Variants in CDK2 observed in about 807,000 individuals in gnomAD.
CDK2 encodes cyclin-dependent kinase 2.
In CDK2, 8 loss-of-function variants were observed where a neutral mutation model predicts 35.0. The ratio of observed to expected loss-of-function variants is 0.23; its 90% CI spans 0.13 to 0.41. The LOEUF (loss-of-function observed/expected upper bound fraction) is 0.41, where lower values mean the gene tolerates loss of function less well. CDK2 is among the 10% of genes least tolerant of loss of function. CDK2 has a pLI of 1.00. For missense variants in CDK2, 201 were observed against 367.1 expected (o/e 0.55, Z 3.70); for synonymous variants, 134 against 137.7 (o/e 0.97, Z 0.19).
chr12:55,970,288 CAAAAAAAAAAAAAA>C (rs60371110), intron 5 of CDK2, among the ~76,000 whole-genome samples: 3 of 21,842 alleles, frequency 1.4e-4, no homozygotes, highest in Admixed American at 1.5e-3. Flanking sequence ...GATTCCATCT[CAAAAAAAAAAAAAA>C]AAAAAAAAAA....
intron 3 of CDK2, 67 bp downstream of exon 3, chr12:55,968,236 G>A (rs1395923005): frequency 1.3e-6 from 2 of 1,585,922 alleles, no homozygotes; most frequent in African/African-American, 2.7e-5. Context: ...GGCAATTCAG[G>A]GTGATATTTT....
chr12:55,968,646 G>A, intron 3 of CDK2, 132 bp from the exon 4 acceptor site: 1 of 672,018 alleles, frequency 1.5e-6, no homozygotes, highest in Non-Finnish European at 2.4e-6. Context: ...CAGTCCATTG[G>A]GAGAAATAGC....
intron 5 of CDK2, chr12:55,970,793 A>AC: frequency 1.4e-6 from 1 of 695,626 alleles, no homozygotes; most frequent in Non-Finnish European, 2.6e-6. Flanking sequence ...CCAGACATTC[A>AC]CCCCCTCCCA....
chr12:55,971,598 C>T lies in CDK2; in HGVS notation c.870C>T (p.Thr290=). 1 of 1,613,702 alleles carries T rather than the reference C, an allele frequency of 6.2e-7. No homozygotes were observed. Among genetic ancestry groups the T allele is most frequent in the Non-Finnish European group, 8.5e-7 (1 of 1,179,718 alleles). ...CTCACCCTTTCTTCCAGGATGTGAC[C>T]AAGCCAGTACCCCATCTTCGACTCT... The part of the protein sequence containing the change: ...ALAHPFFQDV[T]KPVPHLRL Residue 290 remains threonine (T), a synonymous_variant, in exon 7 of 7, where the codon ACC becomes ACT. Coordinates refer to ENST00000266970, the MANE Select transcript of CDK2 (RefSeq NM_001798.5).
intron 6 of CDK2, 21 bp downstream of exon 6, chr12:55,971,268 T>C (rs776932835): frequency 1.9e-6 from 3 of 1,607,736 alleles, no homozygotes; most frequent in Admixed American, 3.3e-5. Flanking sequence ...GCACCTGTTT[T>C]CCCTCATTCA....
intron 3 of CDK2, 50 bp from the exon 4 acceptor site, chr12:55,968,728 G>A (rs760670574): frequency 6.8e-7 from 1 of 1,473,282 alleles, no homozygotes; most frequent in Non-Finnish European, 9.1e-7. Context: ...AGCAAACCCA[G>A]TCTGCTCACT....
At chr12:55,969,954 A>G (rs1241428843) in intron 5 of CDK2, 1 of 157,496 alleles carries the variant, frequency 6.3e-6, no homozygotes, top group Non-Finnish European at 1.4e-5. Flanking sequence ...TAGTGAAGAC[A>G]ACTGTGGTCA....
In CDK2 at chr12:55,971,079, G is replaced by A; in HGVS notation, c.624G>A (p.Glu208=). The A allele has an allele frequency of 6.2e-7, 1 of 1,614,124 alleles. No homozygotes were observed. The highest frequency in any genetic ancestry group is 8.5e-7 in the Non-Finnish European group (1 of 1,180,014). Residue 208 remains glutamate, a synonymous_variant, in exon 6 of 7, where the codon GAG becomes GAA. Transcript: ENST00000266970. ...TRRALFPGDS[E]IDQLFRIFRT... ...GGGCCCTATTCCCTGGAGATTCTGA[G>A]ATTGACCAGCTCTTCCGGATCTTTC...
At position 55,966,945 on chromosome 12, in the gene CDK2, C is replaced by T; in HGVS notation, c.-64C>T. ...TCCTCGGCCCCCGAGAGCCAGGGTC[C>T]GCCTTCTGCAGGGTTCCCAGGCCCC... is the stretch of plus-strand genomic sequence containing the variant. On this transcript the variant is annotated 5_prime_UTR_variant, in exon 1 of 7. Transcript: ENST00000266970. 6 of 1,333,680 alleles carry T rather than the reference C, an allele frequency of 4.5e-6. No homozygotes were observed. Among genetic ancestry groups the T allele is most frequent in the Non-Finnish European group, 6.3e-6 (6 of 949,614 alleles). The allele number at this position is 1,333,680 out of a possible 1,614,324, so 82.6% of individuals were successfully genotyped here.
chr12:55,967,500 C>A, intron 1 of CDK2: 1 of 429,142 alleles, frequency 2.3e-6, no homozygotes, highest in South Asian at 2.8e-5. Flanking sequence ...CACTGCCCCA[C>A]CCTCACCTTA....
At chr12:55,969,450 G>C (rs779262417) in intron 4 of CDK2, 25 bp from the exon 5 acceptor site, 1 of 1,344,542 alleles carries the variant, frequency 7.4e-7, no homozygotes, top group Non-Finnish European at 1.1e-6. Context: ...AAACCACCCC[G>C]CCCCTCCCTA....
In CDK2 at chr12:55,968,037, T is replaced by G. The variant is rs1426933999; in HGVS notation, c.195-12T>G. 1.2e-6 allele frequency: 2 copies of G among 1,614,036 alleles called. No individual in the cohort carries two copies. Among genetic ancestry groups the G allele is most frequent in the East Asian group, 4.5e-5 (2 of 44,876 alleles). On this transcript the variant is annotated splice_polypyrimidine_tract_variant and intron_variant, in intron 2 of 6. Transcript: ENST00000266970. ...TCACACACCTCCATTTCCTCAAACTTTCCTTCTCTAGGCTGCTGGATGTCA... is the reference window on the plus strand; with the variant it reads ...TCACACACCTCCATTTCCTCAAACTGTCCTTCTCTAGGCTGCTGGATGTCA...
intron 6 of CDK2, 130 bp downstream of exon 6, chr12:55,971,377 G>A: frequency 2.7e-6 from 3 of 1,096,088 alleles, no homozygotes; most frequent in African/African-American, 1.5e-5. Context: ...CTCCCTGTTG[G>A]CACACTGATT....
chr12:55,969,078 GTC>G, intron 4 of CDK2, 130 bp downstream of exon 4: 1 of 687,128 alleles, frequency 1.5e-6, no homozygotes, highest in Non-Finnish European at 2.4e-6. Context: ...ATCCTAAAGA[GTC>G]TTAGGGTATG....
At position 55,971,188 on chromosome 12, in the gene CDK2, C is replaced by T. The variant is rs868674487; in HGVS notation, c.733C>T (p.Arg245Trp). ...CAAGCCAAGTTTCCCCAAGTGGGCC[C>T]GGCAAGATTTTAGTAAAGTTGTACC... ...DYKPSFPKWA[R>W]QDFSKVVPPL... Residue 245 changes from arginine (R) to tryptophan (W), a missense_variant, in exon 6 of 7, where the codon CGG becomes TGG. Physicochemically the swap from Arg to Trp is moderately radical, Grantham distance 101. This residue lies in a region of CDK2 where 106 missense variants were observed against 141.3 expected (regional missense o/e 0.75). Coordinates refer to ENST00000266970, the MANE Select transcript of CDK2 (RefSeq NM_001798.5). 16 of 1,614,014 alleles carry T rather than the reference C, an allele frequency of 9.9e-6. No homozygotes were observed. Among genetic ancestry groups the T allele is most frequent in the African/African-American group, 4.0e-5 (3 of 74,962 alleles).
At position 55,972,038 on chromosome 12, in the gene CDK2, G is replaced by C. The variant is rs978864412; in HGVS notation, c.*413G>C. On this transcript the variant is annotated 3_prime_UTR_variant, in exon 7 of 7. Transcript: ENST00000266970. ...CAATGTTTATAAAGGCCAAATGATA[G>C]CGGGGGCTAAGTTGGTGCTTTTGAG... The C allele has an allele frequency of 1.8e-5, 3 of 169,332 alleles. No individual in the cohort carries two copies. Among genetic ancestry groups the C allele is most frequent in the African/African-American group, 7.2e-5 (3 of 41,844 alleles). 10.5% of individuals were successfully genotyped at this position (169,332 alleles called of 1,614,324 possible). A position where few individuals can be genotyped will look rare whatever the true frequency, so the allele number is the denominator to read the frequency against.
rs376285406 is a variant in CDK2, at chr12:55,971,051, G to A, written c.596G>A (p.Arg199His). 2.4e-5 allele frequency: 38 copies of A among 1,613,844 alleles called. No homozygotes were observed. Among genetic ancestry groups the A allele is most frequent in the African/African-American group, 1.1e-4 (8 of 74,868 alleles). ...CTCTTTCCCCATTTTCAGGTGACTC[G>A]CCGGGCCCTATTCCCTGGAGATTCT... is the stretch of plus-strand genomic sequence containing the variant. ...LGCIFAEMVT[R>H]RALFPGDSEI... The change falls in exon 6 of 7, where the codon CGC becomes CAC. Residue 199 changes from arginine (R) to histidine (H), a missense_variant. Around this residue, in one of 5 missense-constraint regions of CDK2, gnomAD observed 106 missense variants for 141.3 expected, o/e 0.75. Transcript: ENST00000266970.
chr12:55,971,432 G>A, intron 6 of CDK2, 89 bp from the exon 7 acceptor site: 1 of 1,164,472 alleles, frequency 8.6e-7, no homozygotes, highest in East Asian at 2.3e-5. Context: ...TGGGTAGAAG[G>A]AGTTCTGGTT....
intron 3 of CDK2, 55 bp downstream of exon 3, chr12:55,968,224 C>G (rs1011991015): frequency 8.1e-6 from 13 of 1,599,250 alleles, no homozygotes; most frequent in Non-Finnish European, 1.1e-5. Context: ...GGACTGGTGG[C>G]AGGCAATTCA....
Sources: allele counts gnomAD v4.1 joint callset (sites outside exome capture counted in the v4.1 genomes callset), GRCh38; gene constraint gnomAD v4.1.1; regional missense constraint gnomAD v4.1.1; transcripts MANE v1.5; gene names NCBI Gene and HGNC (gene_info 2026-07-23, HGNC 2026-07-21).